The following CHRNA7 variants were observed in gnomAD, a reference collection of about 807,000 sequenced individuals.
CHRNA7 encodes the protein cholinergic receptor nicotinic alpha 7 subunit.
Under a neutral mutation model 48.0 loss-of-function variants are expected in CHRNA7, and 17 were observed. The ratio of observed to expected loss-of-function variants is 0.35; its 90% CI spans 0.24 to 0.53. The LOEUF is 0.53. Ranked by LOEUF, CHRNA7 falls within the 20% of genes least tolerant of loss-of-function variation. The pLI is 0.92. For missense variants in CHRNA7, 155 were observed against 577.7 expected, an observed-to-expected ratio of 0.27 and a Z score of 7.50; for synonymous variants, 75 against 242.3, an observed-to-expected ratio of 0.31 and a Z score of 6.41.
chr15:32,103,875 C>T (rs967480650), intron 3 of CHRNA7, among the ~76,000 whole-genome samples: 11 of 152,332 alleles, frequency 7.2e-5, no homozygotes, highest in Admixed American at 5.2e-4. Flanking sequence ...GCACACCTCA[C>T]CTCTGATACA....
chr15:32,104,642 T>A (rs1204721447), intron 3 of CHRNA7, among the ~76,000 whole-genome samples: 2 of 152,120 alleles, frequency 1.3e-5, no homozygotes, highest in Non-Finnish European at 1.5e-5. Flanking sequence ...CTGTCTCACC[T>A]GTAGCGGGCA....
At chr15:32,131,075 C>T (rs1436532037) in intron 4 of CHRNA7, among the ~76,000 whole-genome samples, 3 of 151,982 alleles carry the variant, frequency 2.0e-5, no homozygotes, top group Non-Finnish European at 2.9e-5. Flanking sequence ...TTCCCCCTTA[C>T]GGATCATTTT....
intron 2 of CHRNA7, among the ~76,000 whole-genome samples, chr15:32,036,997 G>A (rs557275884): frequency 3.3e-4 from 50 of 152,088 alleles, no homozygotes; most frequent in African/African-American, 1.2e-3. Flanking sequence ...TATCTAAAAA[G>A]TTACTGCAAT....
At chr15:32,039,555 T>G (rs575737121) in intron 2 of CHRNA7, among the ~76,000 whole-genome samples, 1 of 152,162 alleles carries the variant, frequency 6.6e-6, no homozygotes, top group Non-Finnish European at 1.5e-5. Flanking sequence ...TCTCCACGTA[T>G]TTTTGGATTT....
chr15:32,132,082 T>C (rs1302018762), intron 4 of CHRNA7, among the ~76,000 whole-genome samples: 2 of 152,178 alleles, frequency 1.3e-5, no homozygotes, highest in Non-Finnish European at 2.9e-5. Flanking sequence ...TGGGGATGTT[T>C]GAATCTAGAG....
At chr15:32,067,769 A>G (rs11071530) in intron 2 of CHRNA7, among the ~76,000 whole-genome samples, 122,722 of 152,168 alleles carry the variant, frequency 0.81, 50,883 homozygotes, top group South Asian at 0.91. Flanking sequence ...GGAGAAAGCA[A>G]AGTTATACAG....
intron 2 of CHRNA7, among the ~76,000 whole-genome samples, chr15:32,069,642 A>G (rs1448437491): frequency 6.6e-6 from 1 of 152,190 alleles, no homozygotes; most frequent in Non-Finnish European, 1.5e-5. Flanking sequence ...CCAAAACCCC[A>G]TCTCAGAAAA....
At chr15:32,038,745 T>C (rs886282963) in intron 2 of CHRNA7, among the ~76,000 whole-genome samples, 5 of 152,220 alleles carry the variant, frequency 3.3e-5, no homozygotes, top group African/African-American at 1.2e-4. Context: ...AGAATGTCTT[T>C]ATCTGCCATT....
At chr15:32,127,490 C>T (rs2051087899) in intron 4 of CHRNA7, among the ~76,000 whole-genome samples, 2 of 152,048 alleles carry the variant, frequency 1.3e-5, no homozygotes, top group South Asian at 2.1e-4. Context: ...ATTTTAGCCA[C>T]GCTAGTAGGT....
chr15:32,120,985 T>C (rs79316474), intron 4 of CHRNA7, among the ~76,000 whole-genome samples: 7,066 of 152,244 alleles, frequency 0.046, 479 homozygotes, highest in African/African-American at 0.15. Flanking sequence ...TTCCCGAGCC[T>C]GCTGTGGGGT....
intron 2 of CHRNA7, among the ~76,000 whole-genome samples, chr15:32,078,110 T>G (rs1214551850): frequency 6.6e-6 from 1 of 152,216 alleles, no homozygotes; most frequent in African/African-American, 2.4e-5. Context: ...TGTTTGATGT[T>G]TTTGTATAAC....
At chr15:32,142,565 G>A (rs2051403171) in intron 4 of CHRNA7, among the ~76,000 whole-genome samples, 1 of 152,106 alleles carries the variant, frequency 6.6e-6, no homozygotes, top group African/African-American at 2.4e-5. Context: ...TTTTGGGTTG[G>A]TAGGCTATTA....
At chr15:32,066,163 A>G (rs1379924687) in intron 2 of CHRNA7, among the ~76,000 whole-genome samples, 3 of 152,286 alleles carry the variant, frequency 2.0e-5, no homozygotes, top group Admixed American at 6.5e-5. Flanking sequence ...TTTAGTGAGT[A>G]TACACAACAA....
intron 3 of CHRNA7, among the ~76,000 whole-genome samples, chr15:32,104,552 ACC>A (rs2050629694): frequency 6.6e-6 from 1 of 151,966 alleles, no homozygotes; most frequent in African/African-American, 2.4e-5. Context: ...AGTCTTCATC[ACC>A]CTTAGAATGT....
At chr15:32,151,226 C>T (rs555477054) in intron 4 of CHRNA7, among the ~76,000 whole-genome samples, 2 of 152,260 alleles carry the variant, frequency 1.3e-5, no homozygotes, top group South Asian at 4.1e-4. Flanking sequence ...CTCTTTCTTG[C>T]TCTGAACCCA....
chr15:32,128,813 T>C (rs2051110463), intron 4 of CHRNA7, among the ~76,000 whole-genome samples: 1 of 151,944 alleles, frequency 6.6e-6, no homozygotes, highest in Non-Finnish European at 1.5e-5. Flanking sequence ...ATGTTAAAAG[T>C]GAACAACTTT....
chr15:32,128,511 T>G (rs2051106130), intron 4 of CHRNA7, among the ~76,000 whole-genome samples: 1 of 151,990 alleles, frequency 6.6e-6, no homozygotes, highest in African/African-American at 2.4e-5. Flanking sequence ...TAAATTTATA[T>G]TTGTTTCATT....
chr15:32,057,256 G>A (rs982144630), intron 2 of CHRNA7, among the ~76,000 whole-genome samples: 1 of 152,194 alleles, frequency 6.6e-6, no homozygotes. Context: ...TCATTTAGCA[G>A]TTTGTTTATT....
At chr15:32,117,007 T>C (rs965296886) in intron 4 of CHRNA7, among the ~76,000 whole-genome samples, 1 of 152,138 alleles carries the variant, frequency 6.6e-6, no homozygotes, top group African/African-American at 2.4e-5. Context: ...CTGTAAGCAC[T>C]CATAATTGTG....
Sources: allele counts gnomAD v4.1 joint callset (sites outside exome capture counted in the v4.1 genomes callset), GRCh38; gene constraint gnomAD v4.1.1; transcripts MANE v1.5; gene names NCBI Gene and HGNC (gene_info 2026-07-23, HGNC 2026-07-21).